RHOC: variants seen among roughly 807,000 people sequenced by gnomAD.
The protein encoded by RHOC is rho-related GTP-binding protein RhoC.
In RHOC, 13 loss-of-function variants were observed where a neutral mutation model predicts 19.5. The ratio of observed to expected loss-of-function variants is 0.67; its 90% CI spans 0.43 to 1.06. The LOEUF is 1.06. Among genes scored for constraint, RHOC ranks in the 50% least tolerant of loss-of-function variants. The pLI is 0.00. For missense variants in RHOC, 173 were observed against 256.9 expected (o/e 0.67, Z 2.23); for synonymous variants, 106 against 97.3 (o/e 1.09, Z -0.52).
chr1:112,702,974 A>G (rs2101461393), intron 4 of RHOC, 25 bp downstream of exon 4: 1 of 1,611,170 alleles, frequency 6.2e-7, no homozygotes, highest in Middle Eastern at 1.7e-4. Flanking sequence ...AGGGGTTCTC[A>G]GTCCCCTCCC....
At chr1:112,705,744 A>G (rs1674815609) in intron 1 of RHOC, 1 of 444,382 alleles carries the variant, frequency 2.3e-6, no homozygotes, top group South Asian at 1.6e-5. Context: ...CTGTTTTGTA[A>G]AGATGGGCTG....
chr1:112,705,404 G>A (rs906998920), intron 1 of RHOC: 57 of 601,716 alleles, frequency 9.5e-5, no homozygotes, highest in African/African-American at 2.8e-4. Flanking sequence ...TTTAGGAAGC[G>A]AATACTCCAG....
chr1:112,705,561 G>A, intron 1 of RHOC: 1 of 473,008 alleles, frequency 2.1e-6, no homozygotes, highest in Non-Finnish European at 4.2e-6. Context: ...ACCACAAAAC[G>A]GACTCTCTCT....
Position 112,705,179 on chromosome 1 carries a change from G to C in RHOC, c.-76-11C>G, listed in dbSNP as rs749467730. 5.7e-6 allele frequency: 4 copies of C among 702,338 alleles called. No homozygotes were observed. Among genetic ancestry groups the C allele is most frequent in the East Asian group, 5.4e-5 (2 of 37,298 alleles). 43.5% of individuals were successfully genotyped at this position (702,338 alleles called of 1,614,324 possible). On this transcript the variant is annotated splice_polypyrimidine_tract_variant and intron_variant, in intron 1 of 5. Transcript: ENST00000339083. ...GAGATGAAGTCAAGGCTGTTGGGAA[G>C]GGGGAGGGGGCTAGAGTCTGGGCTG...
At position 112,701,443 on chromosome 1, in the gene RHOC, G is replaced by A. The variant is rs1335770147; in HGVS notation, c.*97C>T. 1 of 1,611,424 alleles carries A rather than the reference G, an allele frequency of 6.2e-7. No individual in the cohort carries two copies. Among genetic ancestry groups the A allele is most frequent in the Admixed American group, 1.7e-5 (1 of 59,612 alleles). ...GGGCAGGAGGGAACTGAAAATGGGA[G>A]CCTTCAGCATGGAGCCCTCAGGAGG... On this transcript the variant is annotated 3_prime_UTR_variant, in exon 6 of 6. Transcript: ENST00000339083.
At position 112,703,638 on chromosome 1, in the gene RHOC, C is replaced by T. The variant is rs933247819; in HGVS notation, c.156+6G>A. The T allele has an allele frequency of 1.9e-6, 3 of 1,610,834 alleles. 1 individual carries two copies. The South Asian group carries it at 3.3e-5, about 18-fold the overall frequency. On this transcript the variant is annotated splice_donor_region_variant and intron_variant, in intron 3 of 5. Transcript: ENST00000339083. ...GGTGGGGTGGGAAGGGCATTTCTGC[C>T]TTCACCTGCTTGCCGTCCACCTCAA...
intron 1 of RHOC, among the ~76,000 whole-genome samples, chr1:112,706,430 T>TACACACACACACCACAC (rs1674846161): frequency 2.0e-5 from 1 of 49,694 alleles, no homozygotes; most frequent in African/African-American, 8.7e-5. Context: ...TCTCTCTCTC[T>TACACACACACACCACAC]ACACACACAC....
At position 112,701,723 on chromosome 1, in the gene RHOC, C is replaced by CATAAGATG. The variant is rs1021725378; in HGVS notation, c.409-18_409-11dup. The CATAAGATG allele has an allele frequency of 6.2e-7, 1 of 1,613,616 alleles. No individual in the cohort carries two copies. The highest frequency in any genetic ancestry group is 8.5e-7 in the Non-Finnish European group (1 of 1,179,836). On this transcript the variant is annotated splice_polypyrimidine_tract_variant and intron_variant, in intron 5 of 5. Transcript: ENST00000339083. ...CAGACCGAACGGGCTCCTGAGAAGA[C>CATAAGATG]ATAAGATGAGGGGTCAAAGGAAGCT...
intron 1 of RHOC, 81 bp downstream of exon 1, chr1:112,706,997 G>C (rs921140422): frequency 2.6e-5 from 4 of 152,004 alleles, no homozygotes; most frequent in Non-Finnish European, 4.4e-5. Flanking sequence ...CCCGATCTCC[G>C]GGCCAGCGAG....
rs1001438684 is a variant in RHOC at position 112,705,301 on chromosome 1, A to G, written c.-76-133T>C. 2.2e-5 allele frequency: 14 copies of G among 650,898 alleles called. No homozygotes were observed. The African/African-American group carries it at 2.5e-4, about 12-fold the overall frequency. The allele number at this position is 650,898 out of a possible 1,614,324, so 40.3% of individuals were successfully genotyped here. On this transcript the variant is annotated intron_variant, in intron 1 of 5. Coordinates refer to ENST00000339083, the MANE Select transcript of RHOC (RefSeq NM_175744.5). ...GCGACGGTAACCTGATCTCAGCCTC[A>G]AACCTAGCTTTTTCTCTCAGTCCCA...
chr1:112,702,800 A>G, intron 4 of RHOC, 107 bp from the exon 5 acceptor site: 5 of 1,481,064 alleles, frequency 3.4e-6, no homozygotes, highest in Non-Finnish European at 4.6e-6. Context: ...ATTCAGCATG[A>G]TGGTCCCTTT....
At chr1:112,706,387 A>G (rs947317568) in intron 1 of RHOC, 6 of 151,256 alleles carry the variant, frequency 4.0e-5, no homozygotes, top group African/African-American at 1.2e-4. Context: ...GAGTATGAAG[A>G]AGGAGGATTC....
chr1:112,706,484 A>ACACCCCCCCACAC (rs1674880670), intron 1 of RHOC, among the ~76,000 whole-genome samples: 1 of 15,396 alleles, frequency 6.5e-5, no homozygotes, highest in African/African-American at 2.1e-4. Flanking sequence ...ACACACACAC[A>ACACCCCCCCACAC]CACACACACA....
intron 4 of RHOC, 152 bp downstream of exon 4, chr1:112,702,847 G>A (rs1047301490): frequency 5.2e-6 from 7 of 1,347,384 alleles, no homozygotes; most frequent in African/African-American, 1.4e-5. Context: ...TGCCCTCAGA[G>A]GGCCAGTTAC....
At chr1:112,706,430 T>TCTACACACAC (rs1491269480) in intron 1 of RHOC, among the ~76,000 whole-genome samples, 1 of 49,694 alleles carries the variant, frequency 2.0e-5, no homozygotes, top group African/African-American at 8.7e-5. Flanking sequence ...TCTCTCTCTC[T>TCTACACACAC]ACACACACAC....
At chr1:112,704,594 C>A in intron 2 of RHOC, 1 of 173,262 alleles carries the variant, frequency 5.8e-6, no homozygotes, top group Non-Finnish European at 1.3e-5. Context: ...CGACATGTCA[C>A]CTCAGGGGCA....
chr1:112,706,515 C>CACACACAA (rs1557780951), intron 1 of RHOC, among the ~76,000 whole-genome samples: 10 of 93,532 alleles, frequency 1.1e-4, no homozygotes, highest in South Asian at 3.7e-4. Context: ...CACACACACA[C>CACACACAA]ACACACACAC....
chr1:112,701,414 T>C lies in RHOC; in HGVS notation c.*126A>G, dbSNP rs997897983. 1.9e-6 allele frequency: 3 copies of C among 1,593,916 alleles called. No homozygotes were observed. Among genetic ancestry groups the C allele is most frequent in the Non-Finnish European group, 2.6e-6 (3 of 1,170,298 alleles). On this transcript the variant is annotated 3_prime_UTR_variant, in exon 6 of 6. Transcript: ENST00000339083. Reference sequence around the variant, plus strand: ...ACCTCGGGGCTAGAAAACAATGCAGTCCTGGGCAGGAGGGAACTGAAAATG... The same window carrying C: ...ACCTCGGGGCTAGAAAACAATGCAGCCCTGGGCAGGAGGGAACTGAAAATG...
intron 1 of RHOC, among the ~76,000 whole-genome samples, chr1:112,706,539 GAGTTGGA>G (rs1376700931): frequency 1.4e-4 from 13 of 92,690 alleles, no homozygotes; most frequent in African/African-American, 5.0e-4. Context: ...CACACACACA[GAGTTGGA>G]TCCTTCCCCA....
Sources: allele counts gnomAD v4.1 joint callset (sites outside exome capture counted in the v4.1 genomes callset), GRCh38; gene constraint gnomAD v4.1.1; transcripts MANE v1.5; gene names NCBI Gene and HGNC (gene_info 2026-07-23, HGNC 2026-07-21).